The following DNAH11 variants were observed in gnomAD, a reference collection of about 807,000 sequenced individuals.
DNAH11 encodes axonemal beta dynein heavy chain 11.
Under a neutral mutation model 526.0 loss-of-function variants are expected in DNAH11, and 442 were observed. The observed-to-expected ratio is 0.84, with a 90% CI of 0.78 to 0.91. The LOEUF (loss-of-function observed/expected upper bound fraction) is 0.91, where lower values mean the gene tolerates loss of function less well. DNAH11 is among the 40% of genes least tolerant of loss of function. The pLI, the probability that DNAH11 is intolerant of heterozygous loss-of-function variation, is 0.00. For missense variants in DNAH11, 6,989 were observed against 5,448.7 expected, an observed-to-expected ratio of 1.28 and a Z score of -8.90; for synonymous variants, 2,461 against 1,935.9, an observed-to-expected ratio of 1.27 and a Z score of -7.12.
At chr7:21,635,216 G>T (rs112017400) in intron 25 of DNAH11, among the ~76,000 whole-genome samples, 9 of 152,216 alleles carry the variant, frequency 5.9e-5, no homozygotes, top group African/African-American at 2.2e-4. Context: ...GAGTGCAGTG[G>T]CGTGATCTCA....
At chr7:21,695,385 C>T (rs1270138605) in intron 35 of DNAH11, among the ~76,000 whole-genome samples, 1 of 152,096 alleles carries the variant, frequency 6.6e-6, no homozygotes, top group Non-Finnish European at 1.5e-5. Context: ...GGTACTGGTA[C>T]CACAACAGAT....
intron 14 of DNAH11, among the ~76,000 whole-genome samples, chr7:21,592,352 A>AT (rs1405368281): frequency 1.3e-5 from 2 of 152,188 alleles, no homozygotes; most frequent in African/African-American, 4.8e-5. Context: ...AAGCATATGG[A>AT]TATCAGGAGA....
intron 25 of DNAH11, among the ~76,000 whole-genome samples, chr7:21,633,085 T>G (rs527950131): frequency 1.3e-5 from 2 of 152,250 alleles, no homozygotes; most frequent in South Asian, 4.1e-4. Flanking sequence ...CATCAGATCT[T>G]GCGAGACTTA....
chr7:21,786,582 C>T (rs1200901219), intron 58 of DNAH11, 42 bp from the exon 59 acceptor site: 18 of 1,569,034 alleles, frequency 1.1e-5, no homozygotes, highest in Non-Finnish European at 1.5e-5. Context: ...CAGACTTCCG[C>T]TAATCCTGTC....
At chr7:21,623,739 C>A (rs1304972944) in intron 25 of DNAH11, among the ~76,000 whole-genome samples, 1 of 151,376 alleles carries the variant, frequency 6.6e-6, no homozygotes, top group Non-Finnish European at 1.5e-5. Context: ...ACTGCATGTT[C>A]TCACACATAG....
chr7:21,591,231 A>G lies in DNAH11; in HGVS notation c.2321A>G (p.Lys774Arg), dbSNP rs1173248764. 6.3e-7 allele frequency: 1 copy of G among 1,582,082 alleles called. No homozygotes were observed. Among genetic ancestry groups the G allele is most frequent in the South Asian group, 1.2e-5 (1 of 86,500 alleles). The change falls in exon 14 of 82, where the codon AAA becomes AGA. Residue 774 changes from lysine to arginine, a missense_variant. Lys to Arg is a conservative substitution (Grantham distance 26). Coordinates refer to ENST00000409508, the MANE Select transcript of DNAH11 (RefSeq NM_001277115.2). ...DLLVQGYNKLKQTLLEVEYPL... is the reference protein window; with the variant it reads ...DLLVQGYNKLRQTLLEVEYPL... ...CTTGTGCAAGGGTATAATAAACTCA[A>G]ACAGACGCTCCTGGAAGTTGAATAC...
chr7:21,803,615 G>A (rs1416381588), intron 62 of DNAH11, among the ~76,000 whole-genome samples: 1 of 148,792 alleles, frequency 6.7e-6, no homozygotes, highest in African/African-American at 2.5e-5. Context: ...AAAAAAAAAA[G>A]TCTGGAAAAG....
intron 2 of DNAH11, among the ~76,000 whole-genome samples, chr7:21,547,374 C>T (rs897731947): frequency 1.3e-5 from 2 of 152,170 alleles, no homozygotes; most frequent in African/African-American, 4.8e-5. Flanking sequence ...ACACGCAGTA[C>T]AGCAGAAGCA....
intron 28 of DNAH11, among the ~76,000 whole-genome samples, chr7:21,640,927 C>T (rs757663813): frequency 3.9e-5 from 6 of 152,014 alleles, no homozygotes; most frequent in Non-Finnish European, 8.8e-5. Flanking sequence ...TCTTAATGAC[C>T]GCTCCTGCTT....
chr7:21,570,313 G>A lies in DNAH11; in HGVS notation c.1425+14G>A, dbSNP rs550567868. The A allele has an allele frequency of 2.5e-6, 4 of 1,578,854 alleles. No homozygotes were observed. Among genetic ancestry groups the A allele is most frequent in the Non-Finnish European group, 3.4e-6 (4 of 1,164,458 alleles). The stretch of plus-strand genomic sequence containing the variant: ...ATAAAAATAGAGGTATTCATTTTTT[G>A]ATTTTATTTATTCATGTTGAAGGTG... On this transcript the variant is annotated intron_variant, in intron 7 of 81. Coordinates refer to ENST00000409508, the MANE Select transcript of DNAH11 (RefSeq NM_001277115.2).
chr7:21,888,111 G>T (rs960971581), intron 76 of DNAH11, among the ~76,000 whole-genome samples: 1 of 152,116 alleles, frequency 6.6e-6, no homozygotes, highest in African/African-American at 2.4e-5. Flanking sequence ...GCTTCCCTGT[G>T]CCTCACTTCA....
chr7:21,838,910 G>A (rs6975637), intron 65 of DNAH11, among the ~76,000 whole-genome samples: 2,482 of 151,970 alleles, frequency 0.016, 70 homozygotes, highest in African/African-American at 0.056. Context: ...TTAAGGAATG[G>A]CCAAACCGCT....
intron 61 of DNAH11, among the ~76,000 whole-genome samples, chr7:21,792,315 C>T (rs1334049678): frequency 1.3e-5 from 2 of 152,082 alleles, no homozygotes; most frequent in African/African-American, 4.8e-5. Context: ...TCAGTTTGCT[C>T]GTATTTTGTT....
chr7:21,629,274 G>T (rs150453844), intron 25 of DNAH11, among the ~76,000 whole-genome samples: 1 of 152,060 alleles, frequency 6.6e-6, no homozygotes, highest in African/African-American at 2.4e-5. Flanking sequence ...AAAGGTACTC[G>T]ATATGATTTC....
chr7:21,796,810 GA>G (rs1788733501), intron 61 of DNAH11, among the ~76,000 whole-genome samples: 1 of 152,180 alleles, frequency 6.6e-6, no homozygotes, highest in African/African-American at 2.4e-5. Context: ...GAGACTTAAC[GA>G]ACTGATCAAA....
At chr7:21,888,010 G>A (rs1173605486) in intron 76 of DNAH11, among the ~76,000 whole-genome samples, 12 of 152,072 alleles carry the variant, frequency 7.9e-5, no homozygotes. Context: ...GTATGTAGAT[G>A]GTGTACAGGC....
chr7:21,577,132 A>C (rs1313475439), intron 8 of DNAH11, among the ~76,000 whole-genome samples: 1 of 152,216 alleles, frequency 6.6e-6, no homozygotes, highest in African/African-American at 2.4e-5. Context: ...ACTGGCAACC[A>C]GGAAATGCCA....
At chr7:21,774,597 G>GT (rs1254593763) in intron 56 of DNAH11, among the ~76,000 whole-genome samples, 2 of 152,072 alleles carry the variant, frequency 1.3e-5, no homozygotes, top group African/African-American at 4.8e-5. Context: ...TTATTTCGTT[G>GT]TTAAAAAAGG....
intron 65 of DNAH11, among the ~76,000 whole-genome samples, chr7:21,821,992 A>C (rs1053495451): frequency 4.6e-5 from 7 of 152,030 alleles, no homozygotes; most frequent in African/African-American, 1.7e-4. Flanking sequence ...TATTTCATTT[A>C]ACATAATACC....
Sources: allele counts gnomAD v4.1 joint callset (sites outside exome capture counted in the v4.1 genomes callset), GRCh38; gene constraint gnomAD v4.1.1; transcripts MANE v1.5; gene names NCBI Gene and HGNC (gene_info 2026-07-23, HGNC 2026-07-21).